Variants in NVL observed in about 807,000 individuals in gnomAD.
NVL encodes nuclear VCP like, also known as nuclear valosin-containing protein-like.
A neutral mutation model predicts 110.2 loss-of-function variants in NVL; 84 were observed. That is an observed-to-expected ratio of 0.76 (90% CI 0.64 to 0.91). NVL has a LOEUF of 0.91. Ranked by LOEUF, NVL falls within the 40% of genes least tolerant of loss-of-function variation. The probability of loss-of-function intolerance (pLI) is 0.00; values close to 1 mark genes in which losing one functional copy is unlikely to be tolerated. For synonymous variants in NVL, 354 were observed against 361.1 expected (o/e 0.98, Z 0.22); for missense variants, 882 against 1,035.9 (o/e 0.85, Z 2.04).
chr1:224,239,931 C>T (rs1338936579), intron 19 of NVL, among the ~76,000 whole-genome samples: 2 of 152,124 alleles, frequency 1.3e-5, no homozygotes, highest in Non-Finnish European at 2.9e-5. Context: ...TTCTGTCTCG[C>T]TGTGTCACCA....
intron 19 of NVL, 56 bp downstream of exon 19, chr1:224,250,156 G>A (rs1187935730): frequency 1.7e-5 from 26 of 1,562,920 alleles, no homozygotes; most frequent in Non-Finnish European, 2.1e-5. Flanking sequence ...TCTTATAACT[G>A]TCTCTATTTA....
intron 18 of NVL, among the ~76,000 whole-genome samples, chr1:224,255,285 G>T (rs566130451): frequency 4.7e-4 from 70 of 148,624 alleles, no homozygotes; most frequent in African/African-American, 1.7e-3. Flanking sequence ...CACCTCCCTG[G>T]TTCTCGCCAT....
At chr1:224,289,166 T>A in intron 13 of NVL, 1 of 284,592 alleles carries the variant, frequency 3.5e-6, no homozygotes, top group Non-Finnish European at 6.6e-6. Context: ...ACAACATGTA[T>A]ACAAATGAAC....
intron 19 of NVL, 103 bp from the exon 20 acceptor site, chr1:224,236,685 C>A: frequency 1.2e-6 from 1 of 851,494 alleles, no homozygotes; most frequent in South Asian, 1.4e-5. Context: ...CCAAGGTGGG[C>A]AGATCACCTG....
At chr1:224,260,853 C>G (rs2102798366) in intron 18 of NVL, among the ~76,000 whole-genome samples, 1 of 151,530 alleles carries the variant, frequency 6.6e-6, no homozygotes, top group South Asian at 2.1e-4. Context: ...AGGTACACAC[C>G]AGTGCATCTG....
chr1:224,270,666 A>C (rs1664997315), intron 17 of NVL, among the ~76,000 whole-genome samples: 2 of 152,178 alleles, frequency 1.3e-5, no homozygotes, highest in East Asian at 1.9e-4. Flanking sequence ...TAAATAAAAG[A>C]CTACTTTCCA....
At position 224,236,493 on chromosome 1, in the gene NVL, T is replaced by A. The variant is rs1164995717; in HGVS notation, c.2366+13A>T. 6.2e-7 allele frequency: 1 copy of A among 1,606,130 alleles called. No individual in the cohort carries two copies. The highest frequency in any genetic ancestry group is 1.7e-5 in the Admixed American group (1 of 59,998). ...CCCCAGAGAGTGAATTGACTTAAGATTTAAACACTTACGTATAGCAATCAC... is the reference window on the plus strand; with the variant it reads ...CCCCAGAGAGTGAATTGACTTAAGAATTAAACACTTACGTATAGCAATCAC... On this transcript the variant is annotated intron_variant, in intron 20 of 22. Coordinates refer to ENST00000281701, the MANE Select transcript of NVL (RefSeq NM_002533.4).
chr1:224,234,977 T>A (rs543464408), intron 20 of NVL, among the ~76,000 whole-genome samples: 94 of 152,046 alleles, frequency 6.2e-4, no homozygotes, highest in African/African-American at 2.2e-3. Flanking sequence ...TTATTATTAT[T>A]TTTTTTGTAG....
chr1:224,295,775 C>T (rs1040690858), intron 11 of NVL, among the ~76,000 whole-genome samples: 5 of 150,786 alleles, frequency 3.3e-5, no homozygotes, highest in Non-Finnish European at 5.9e-5. Flanking sequence ...GTCAGGAGTT[C>T]GAGACCAGCC....
intron 2 of NVL, among the ~76,000 whole-genome samples, chr1:224,322,803 A>C (rs1252299624): frequency 6.6e-6 from 1 of 152,148 alleles, no homozygotes; most frequent in Non-Finnish European, 1.5e-5. Context: ...AAATACAAAA[A>C]ATTAGCCAGG....
chr1:224,296,128 C>G (rs566998700), intron 11 of NVL, among the ~76,000 whole-genome samples: 84 of 152,066 alleles, frequency 5.5e-4, no homozygotes, highest in Non-Finnish European at 9.1e-4. Flanking sequence ...AACACTCTAT[C>G]TCATCAATCA....
rs375791065 is a variant in NVL, at chr1:224,247,421, G to C, written c.2289+2791C>G. ...GCAGTGGCTCACGTTTGTAATCCCA[G>C]CACTTTGGGAGACTTGAGGCAGGTG... On this transcript the variant is annotated intron_variant, in intron 19 of 22. Transcript: ENST00000281701. Among the ~76,000 whole-genome samples, 52 of 152,112 alleles carry C rather than the reference G, an allele frequency of 3.4e-4. No homozygotes were observed. The South Asian group carries it at 0.011, about 32-fold the overall frequency.
At chr1:224,282,783 C>A (rs566840429) in intron 15 of NVL, among the ~76,000 whole-genome samples, 1 of 152,326 alleles carries the variant, frequency 6.6e-6, no homozygotes, top group Admixed American at 6.5e-5. Flanking sequence ...ACCTCTCCAA[C>A]TCCAGTAACT....
At chr1:224,296,686 T>C (rs1248701019) in intron 10 of NVL, 68 bp from the exon 11 acceptor site, 2 of 935,852 alleles carry the variant, frequency 2.1e-6, no homozygotes, top group South Asian at 3.7e-5. Context: ...CAATTAAGCA[T>C]ATACATTTTA....
intron 19 of NVL, among the ~76,000 whole-genome samples, chr1:224,239,936 T>C (rs1480815438): frequency 6.6e-6 from 1 of 152,172 alleles, no homozygotes; most frequent in Non-Finnish European, 1.5e-5. Context: ...TCTCGCTGTG[T>C]CACCAGGCTG....
In NVL at chr1:224,231,081, A is replaced by T; in HGVS notation, c.2526+145T>A. 1.4e-5 allele frequency: 8 copies of T among 565,584 alleles called. No individual in the cohort carries two copies. The South Asian group carries it at 1.6e-4, about 11-fold the overall frequency. 35.0% of individuals were successfully genotyped at this position (565,584 alleles called of 1,614,324 possible). On this transcript the variant is annotated intron_variant, in intron 22 of 22. Coordinates refer to ENST00000281701, the MANE Select transcript of NVL (RefSeq NM_002533.4). ...CCGGGAGGCAGAGCTTGCAGTGAGC[A>T]GAGATCGCACCACTGCACTCCAGCA...
intron 12 of NVL, among the ~76,000 whole-genome samples, chr1:224,293,520 C>T (rs1411653218): frequency 6.6e-6 from 1 of 152,206 alleles, no homozygotes; most frequent in Non-Finnish European, 1.5e-5. Context: ...AAGGCTGGTA[C>T]TGCAGCAAAC....
At chr1:224,314,284 T>C (rs1379524080) in intron 4 of NVL, among the ~76,000 whole-genome samples, 1 of 152,224 alleles carries the variant, frequency 6.6e-6, no homozygotes, top group Non-Finnish European at 1.5e-5. Context: ...TTATTTATTA[T>C]GCAATAGTGT....
chr1:224,238,644 G>C (rs1460804375), intron 19 of NVL, among the ~76,000 whole-genome samples: 1 of 152,134 alleles, frequency 6.6e-6, no homozygotes, highest in Non-Finnish European at 1.5e-5. Context: ...AAACAATCTT[G>C]TGCTTTTTTC....
Sources: gnomAD v4.1 joint callset for allele counts (sites outside exome capture counted in the v4.1 genomes callset) on GRCh38, gnomAD v4.1.1 for gene constraint, MANE v1.5 for transcripts, NCBI Gene and HGNC (gene_info 2026-07-23, HGNC 2026-07-21) for gene names.